Variants in CNTNAP4 observed in about 807,000 individuals in gnomAD.
CNTNAP4 encodes the protein contactin associated protein family member 4, also known as contactin-associated protein-like 4.
In CNTNAP4, 98 loss-of-function variants were observed where a neutral mutation model predicts 148.4. The observed-to-expected ratio is 0.66, with a 90% CI of 0.56 to 0.78. The LOEUF (loss-of-function observed/expected upper bound fraction) is 0.78, where lower values mean the gene tolerates loss of function less well. Among genes scored for constraint, CNTNAP4 ranks in the 30% least tolerant of loss-of-function variants. CNTNAP4 has a pLI of 0.00. For missense variants in CNTNAP4, 1,935 were observed against 1,565.6 expected (o/e 1.24, Z -3.98); for synonymous variants, 730 against 565.1 (o/e 1.29, Z -4.14).
intron 2 of CNTNAP4, among the ~76,000 whole-genome samples, chr16:76,337,268 C>T (rs986826491): frequency 3.9e-5 from 6 of 152,238 alleles, no homozygotes; most frequent in East Asian, 3.9e-4. Context: ...ATCTGGTATT[C>T]GGGGAACCAG....
At chr16:76,545,537 T>C (rs78022536) in intron 21 of CNTNAP4, among the ~76,000 whole-genome samples, 9,759 of 152,122 alleles carry the variant, frequency 0.064, 557 homozygotes, top group East Asian at 0.27. Flanking sequence ...CCTGCAAAGC[T>C]TTTTATTTGG....
intron 2 of CNTNAP4, among the ~76,000 whole-genome samples, chr16:76,316,788 A>C (rs1021310983): frequency 6.6e-6 from 1 of 152,196 alleles, no homozygotes; most frequent in Non-Finnish European, 1.5e-5. Flanking sequence ...AATAATATAC[A>C]ATCCTTATGG....
intron 3 of CNTNAP4, among the ~76,000 whole-genome samples, chr16:76,379,098 C>T (rs929098883): frequency 6.6e-6 from 1 of 152,162 alleles, no homozygotes; most frequent in Non-Finnish European, 1.5e-5. Flanking sequence ...GATCCATGCT[C>T]ATGGGATGCC....
At chr16:76,362,167 A>G (rs1307738498) in intron 3 of CNTNAP4, among the ~76,000 whole-genome samples, 1 of 152,200 alleles carries the variant, frequency 6.6e-6, no homozygotes. Context: ...TATCAAAAAG[A>G]ATAACATACT....
intron 14 of CNTNAP4, 113 bp from the exon 15 acceptor site, chr16:76,498,454 C>A (rs1257546552): frequency 1.4e-6 from 1 of 697,794 alleles, no homozygotes; most frequent in Non-Finnish European, 2.4e-6. Flanking sequence ...CGATGAGTGA[C>A]TGGATCCATA....
intron 3 of CNTNAP4, among the ~76,000 whole-genome samples, chr16:76,392,013 CAG>C (rs1597399832): frequency 6.7e-6 from 1 of 149,178 alleles, no homozygotes; most frequent in African/African-American, 2.5e-5. Context: ...GTTTTTGAGA[CAG>C]AGTCTCCCTC....
Position 76,449,779 on chromosome 16 carries a change from G to T in CNTNAP4, c.992G>T (p.Gly331Val). The T allele has an allele frequency of 1.3e-6, 2 of 1,598,842 alleles. No individual in the cohort carries two copies. Among genetic ancestry groups the T allele is most frequent in the East Asian group, 4.5e-5 (2 of 44,464 alleles). Residue 331 changes from glycine to valine, a missense_variant, in exon 7 of 24, where the codon GGA (glycine) becomes GTA (valine). Coordinates refer to ENST00000611870, the MANE Select transcript of CNTNAP4 (RefSeq NM_033401.5). Reference protein sequence around the residue: ...SVSFPHRNFHGCLENLYYNGV... With the variant: ...SVSFPHRNFHVCLENLYYNGV... ...TCATTCCCACATAGAAATTTTCATG[G>T]ATGTTTAGAAAATCTCTATTATAAT...
intron 18 of CNTNAP4, among the ~76,000 whole-genome samples, chr16:76,536,299 G>A (rs765492389): frequency 9.2e-5 from 14 of 152,088 alleles, no homozygotes; most frequent in Admixed American, 7.2e-4. Context: ...AGGTTCAAGC[G>A]ATTCTCCTGC....
At chr16:76,342,407 A>G (rs10514403) in intron 2 of CNTNAP4, among the ~76,000 whole-genome samples, 4,497 of 149,342 alleles carry the variant, frequency 0.03, 224 homozygotes, top group African/African-American at 0.1. Context: ...ATGGTTGTCT[A>G]TTGAGTTTGG....
chr16:76,323,857 C>G (rs1055937436), intron 2 of CNTNAP4, among the ~76,000 whole-genome samples: 3 of 152,082 alleles, frequency 2.0e-5, no homozygotes, highest in African/African-American at 7.2e-5. Context: ...ATGTGTAGTT[C>G]TGAAATCAGG....
In CNTNAP4 at chr16:76,386,328, G is replaced by T. The variant is rs981052068; in HGVS notation, c.390+30817G>T. On this transcript the variant is annotated intron_variant, in intron 3 of 23. Transcript: ENST00000611870. ...CTAGCCTCGGGCAAAATAGTAAAAT[G>T]AGCAATTTTTTAAAATTGGAAACTG... Among the ~76,000 whole-genome samples, 49 of 151,962 alleles carry T rather than the reference G, an allele frequency of 3.2e-4. 1 individual carries two copies. Among genetic ancestry groups the T allele is most frequent in the Admixed American group, 2.9e-3 (44 of 15,258 alleles).
At chr16:76,469,430 T>G (rs2081290212) in intron 10 of CNTNAP4, 1 of 152,172 alleles carries the variant, frequency 6.6e-6, no homozygotes, top group Non-Finnish European at 1.5e-5. Context: ...AATAGGAGAC[T>G]TGCTTACAGA....
At chr16:76,318,657 T>C (rs542680714) in intron 2 of CNTNAP4, among the ~76,000 whole-genome samples, 43 of 151,152 alleles carry the variant, frequency 2.8e-4, no homozygotes, top group Middle Eastern at 6.9e-3. Flanking sequence ...ATTTTATTTC[T>C]AGTATTGAAA....
chr16:76,557,835 C>G (rs2085257863), intron 23 of CNTNAP4: 1 of 152,104 alleles, frequency 6.6e-6, no homozygotes, highest in African/African-American at 2.4e-5. Flanking sequence ...TCCCAGGGAC[C>G]ACTACACGTC....
intron 4 of CNTNAP4, among the ~76,000 whole-genome samples, chr16:76,442,862 A>T (rs564547529): frequency 6.6e-6 from 1 of 152,126 alleles, no homozygotes; most frequent in Non-Finnish European, 1.5e-5. Flanking sequence ...CATCCATACC[A>T]TGGCAGAAAA....
chr16:76,282,678 T>C (rs1958731030), intron 1 of CNTNAP4, among the ~76,000 whole-genome samples: 1 of 151,934 alleles, frequency 6.6e-6, no homozygotes. Flanking sequence ...TTTAAGCAAG[T>C]GATTTTCACT....
chr16:76,316,389 A>G (rs1961750852), intron 1 of CNTNAP4, 24 bp from the exon 2 acceptor site: 1 of 1,533,668 alleles, frequency 6.5e-7, no homozygotes, highest in African/African-American at 1.4e-5. Flanking sequence ...ACTAACCCTA[A>G]CGTGGCATTG....
chr16:76,453,852 CTTTT>C (rs1232128670), intron 8 of CNTNAP4, among the ~76,000 whole-genome samples: 1 of 151,946 alleles, frequency 6.6e-6, no homozygotes, highest in African/African-American at 2.4e-5. Flanking sequence ...TATGCTGTGA[CTTTT>C]TATTTAGTGT....
chr16:76,337,577 C>A (rs1169831266), intron 2 of CNTNAP4, among the ~76,000 whole-genome samples: 1 of 152,114 alleles, frequency 6.6e-6, no homozygotes, highest in East Asian at 1.9e-4. Context: ...GGTTCCATGT[C>A]CCACTGGGCA....
Sources: gnomAD v4.1 joint callset for allele counts (sites outside exome capture counted in the v4.1 genomes callset) on GRCh38, gnomAD v4.1.1 for gene constraint, MANE v1.5 for transcripts, NCBI Gene and HGNC (gene_info 2026-07-23, HGNC 2026-07-21) for gene names.